F5: variants seen among roughly 807,000 people sequenced by gnomAD.
F5 encodes the protein activated protein c cofactor.
In F5, 138 loss-of-function variants were observed where a neutral mutation model predicts 216.4. The observed-to-expected ratio is 0.64, with a 90% confidence interval of 0.56 to 0.73. F5 has a LOEUF of 0.73. Among genes scored for constraint, F5 ranks in the 30% least tolerant of loss-of-function variants. F5 has a pLI of 0.00. For synonymous variants in F5, 916 were observed against 930.7 expected (o/e 0.98, Z 0.29); for missense variants, 2,403 against 2,674.0 (o/e 0.90, Z 2.24).
chr1:169,577,650 G>T (rs899391662), intron 2 of F5, among the ~76,000 whole-genome samples: 2 of 139,852 alleles, frequency 1.4e-5, no homozygotes, highest in African/African-American at 5.2e-5. Context: ...ACATTGCCCA[G>T]GCTGGTCTAA....
intron 3 of F5, among the ~76,000 whole-genome samples, chr1:169,568,135 G>A (rs1660650981): frequency 6.6e-6 from 1 of 152,046 alleles, no homozygotes; most frequent in African/African-American, 2.4e-5. Flanking sequence ...ATTAATGTCT[G>A]TCTAATTGAT....
chr1:169,528,944 G>A (rs542381971), intron 16 of F5, among the ~76,000 whole-genome samples: 2 of 152,240 alleles, frequency 1.3e-5, no homozygotes, highest in South Asian at 2.1e-4. Flanking sequence ...TATATCAGGC[G>A]TGAGAACACC....
intron 10 of F5, 143 bp downstream of exon 10, chr1:169,549,658 T>C: frequency 1.5e-6 from 1 of 646,030 alleles, no homozygotes; most frequent in South Asian, 1.9e-5. Flanking sequence ...GAATAAATGT[T>C]ATCACACTGG....
intron 5 of F5, among the ~76,000 whole-genome samples, chr1:169,557,823 T>C (rs562493322): frequency 7.2e-5 from 11 of 152,154 alleles, no homozygotes; most frequent in Non-Finnish European, 1.3e-4. Context: ...CGTTTATCCA[T>C]GCCAAAGAAA....
chr1:169,550,374 T>C (rs1480244509), intron 9 of F5, among the ~76,000 whole-genome samples: 7 of 150,032 alleles, frequency 4.7e-5, no homozygotes, highest in African/African-American at 1.5e-4. Context: ...TCTTTAAATA[T>C]TCTACTTGGA....
In F5 at chr1:169,555,336, C is replaced by A. The variant is rs1433655859; in HGVS notation, c.964G>T (p.Ala322Ser). ...GGGCAGTTTTTAATGTCAATGTAAGCCTGCATCCCAGCTGAGTTAGGACAG... is the reference window on the plus strand; with the variant it reads ...GGGCAGTTTTTAATGTCAATGTAAGACTGCATCCCAGCTGAGTTAGGACAG... ...TPKHLQAGMQ[A>S]YIDIKNCPKK... Residue 322 changes from alanine to serine, a missense_variant, in exon 7 of 25, where the codon GCT becomes TCT. Ala to Ser is a moderately conservative substitution (Grantham distance 99). This residue lies in a region of F5 where 1,425 missense variants were observed against 1,554.8 expected (regional missense o/e 0.92). Transcript: ENST00000367797. The A allele has an allele frequency of 6.2e-7, 1 of 1,613,996 alleles. No individual in the cohort carries two copies. Among genetic ancestry groups the A allele is most frequent in the South Asian group, 1.1e-5 (1 of 91,076 alleles).
Position 169,560,766 on chromosome 1 carries a change from C to T in F5, c.374G>A (p.Gly125Asp), listed in dbSNP as rs760694648. ...QGIRYSKLSE[G>D]ASYLDHTFPA... is the part of the protein sequence containing the mutation. Reference sequence around the variant, plus strand: ...GAATGTGTGGTCAAGGTAAGAAGCACCTGGAGGAGTAACAGCCATCAAGAC... The same window carrying T: ...GAATGTGTGGTCAAGGTAAGAAGCATCTGGAGGAGTAACAGCCATCAAGAC... Residue 125 changes from glycine to aspartate, a missense_variant and splice_region_variant, in exon 4 of 25, where the codon GGT (glycine) becomes GAT (aspartate). Gly to Asp is a moderately conservative substitution (Grantham distance 94, BLOSUM62 -1). Transcript: ENST00000367797. 10 of 1,611,648 alleles carry T rather than the reference C, an allele frequency of 6.2e-6. No individual in the cohort carries two copies. The East Asian group carries it at 2.2e-4, about 36-fold the overall frequency.
chr1:169,514,331 A>G lies in F5; in HGVS notation c.6657T>C (p.Phe2219=), dbSNP rs1161486675. 2 of 1,613,228 alleles carry G rather than the reference A, an allele frequency of 1.2e-6. No homozygotes were observed. The highest frequency in any genetic ancestry group is 1.7e-5 in the Admixed American group (1 of 59,890). ...NQSIALRLEL[F]GCDIY The stretch of plus-strand genomic sequence containing the variant: ...TTCAATTCTAGTAAATATCACAGCC[A>G]AAGAGTTCCAGGCGAAGTGCAATAC... Residue 2219 remains phenylalanine, a synonymous_variant, in exon 25 of 25, where the codon TTT becomes TTC. Transcript: ENST00000367797.
chr1:169,584,229 T>C (rs530047671), intron 1 of F5, among the ~76,000 whole-genome samples: 1 of 152,348 alleles, frequency 6.6e-6, no homozygotes, highest in Admixed American at 6.5e-5. Context: ...TGTGTATTCA[T>C]ACTGAGGTAT....
At chr1:169,526,151 A>G (rs1659445201) in intron 17 of F5, 134 bp from the exon 18 acceptor site, 4 of 651,202 alleles carry the variant, frequency 6.1e-6, no homozygotes, top group Non-Finnish European at 1.1e-5. Flanking sequence ...TTCTTTAGGT[A>G]GGACTGAAAG....
chr1:169,522,561 T>G (rs9332648), intron 21 of F5, among the ~76,000 whole-genome samples: 2,645 of 152,218 alleles, frequency 0.017, 72 homozygotes, highest in African/African-American at 0.061. Flanking sequence ...GTAAATAATT[T>G]TATATAAAAT....
chr1:169,581,098 C>G (rs9332504), intron 2 of F5, among the ~76,000 whole-genome samples: 16,774 of 152,028 alleles, frequency 0.11, 1,249 homozygotes, highest in African/African-American at 0.2. Context: ...GGGTGAGATT[C>G]GAACCCTGGG....
rs190871988 is a variant in F5, at chr1:169,570,093, T to C, written c.373+2128A>G. Among the ~76,000 whole-genome samples, 402 of 152,258 alleles carry C rather than the reference T, an allele frequency of 2.6e-3. 1 individual carries two copies. The highest frequency in any genetic ancestry group is 4.6e-3 in the Non-Finnish European group (313 of 67,986). On this transcript the variant is annotated intron_variant, in intron 3 of 24. Coordinates refer to ENST00000367797, the MANE Select transcript of F5 (RefSeq NM_000130.5). ...AAATTTTACTTTCCCTACCAATATG[T>C]ATTTACCTTTCTTAGATTCATAGGA...
chr1:169,520,110 T>A (rs1274862498), intron 22 of F5, among the ~76,000 whole-genome samples: 1 of 152,148 alleles, frequency 6.6e-6, no homozygotes, highest in Non-Finnish European at 1.5e-5. Flanking sequence ...AAAACACTCA[T>A]TGAACACCAT....
intron 3 of F5, among the ~76,000 whole-genome samples, chr1:169,563,926 GTTTATT>G (rs1205838789): frequency 6.6e-6 from 1 of 152,028 alleles, no homozygotes; most frequent in Admixed American, 6.6e-5. Flanking sequence ...TCTAATGCTT[GTTTATT>G]TTTATTAACA....
At chr1:169,517,068 A>T (rs1399160671) in intron 23 of F5, among the ~76,000 whole-genome samples, 1 of 152,160 alleles carries the variant, frequency 6.6e-6, no homozygotes, top group East Asian at 1.9e-4. Context: ...TAAATTATAT[A>T]AATGTAATAT....
chr1:169,522,405 C>A (rs1028110504), intron 21 of F5, among the ~76,000 whole-genome samples: 17 of 152,130 alleles, frequency 1.1e-4, no homozygotes, highest in African/African-American at 4.1e-4. Flanking sequence ...CTCTCATGAA[C>A]ATAGACGACA....
In F5 at chr1:169,512,228, G is replaced by A. The variant is rs1659041708; in HGVS notation, c.*2085C>T. ...TGACACTAACAAGCAATATCCTTGGGCAAGTTGTTTAATCTTTGGGGCCTT... is the reference window on the plus strand; with the variant it reads ...TGACACTAACAAGCAATATCCTTGGACAAGTTGTTTAATCTTTGGGGCCTT... On this transcript the variant is annotated 3_prime_UTR_variant, in exon 25 of 25. Coordinates refer to ENST00000367797, the MANE Select transcript of F5 (RefSeq NM_000130.5). 6.6e-6 allele frequency among the ~76,000 whole-genome samples: 1 copy of A among 151,972 alleles called. No homozygotes were observed.
rs2101819146 is a variant in F5 at position 169,541,755 on chromosome 1, C to T, written c.3335G>A (p.Ser1112Asn). Reference protein sequence around the residue: ...QNSSNDTGQASCPPGLYQTVP... With the variant: ...QNSSNDTGQANCPPGLYQTVP... ...TGTCTGATAAAGACCTGGAGGACAG[C>T]TTGCCTGACCAGTGTCATTTGAGGA... is the stretch of plus-strand genomic sequence containing the variant. Residue 1112 changes from serine to asparagine, a missense_variant, in exon 13 of 25, where the codon AGC becomes AAC. By Grantham distance (46) the Ser-to-Asn change is conservative. Around this residue, in one of 4 missense-constraint regions of F5, gnomAD observed 1,425 missense variants for 1,554.8 expected, o/e 0.92. Coordinates refer to ENST00000367797, the MANE Select transcript of F5 (RefSeq NM_000130.5). 6.2e-7 allele frequency: 1 copy of T among 1,614,060 alleles called. No homozygotes were observed. Among genetic ancestry groups the T allele is most frequent in the East Asian group, 2.2e-5 (1 of 44,876 alleles).
Sources: allele counts gnomAD v4.1 joint callset (sites outside exome capture counted in the v4.1 genomes callset), GRCh38; gene constraint gnomAD v4.1.1; regional missense constraint gnomAD v4.1.1; transcripts MANE v1.5; gene names NCBI Gene and HGNC (gene_info 2026-07-23, HGNC 2026-07-21).